Variants in RGS7 observed in about 807,000 individuals in gnomAD.
RGS7 encodes regulator of G protein signaling 7.
A neutral mutation model predicts 81.1 loss-of-function variants in RGS7; 27 were observed. The observed-to-expected ratio is 0.33, with a 90% CI of 0.25 to 0.46. The LOEUF is 0.46. Among genes scored for constraint, RGS7 ranks in the 20% least tolerant of loss-of-function variants. RGS7 has a pLI of 1.00. For missense variants in RGS7, 396 were observed against 607.4 expected, an observed-to-expected ratio of 0.65 and a Z score of 3.66; for synonymous variants, 208 against 207.7, an observed-to-expected ratio of 1.00 and a Z score of -0.01.
chr1:240,814,473 T>A (rs538713203), intron 12 of RGS7, among the ~76,000 whole-genome samples: 35 of 152,344 alleles, frequency 2.3e-4, no homozygotes, highest in African/African-American at 8.2e-4. Context: ...TATCTGATTC[T>A]TAGTGGAACA....
intron 14 of RGS7, among the ~76,000 whole-genome samples, chr1:240,810,507 T>C (rs562767734): frequency 2.0e-5 from 3 of 147,858 alleles, no homozygotes; most frequent in East Asian, 2.0e-4. Flanking sequence ...AGTGCAGTGG[T>C]GCAATCTCAG....
chr1:240,860,145 A>G (rs1466378760), intron 9 of RGS7, among the ~76,000 whole-genome samples: 4 of 152,140 alleles, frequency 2.6e-5, no homozygotes, highest in Non-Finnish European at 4.4e-5. Context: ...TGCTCCATGG[A>G]AGCTTGAGAA....
Position 241,166,075 on chromosome 1 carries a change from T to C in RGS7, c.79-67313A>G, listed in dbSNP as rs963906590. On this transcript the variant is annotated intron_variant, in intron 2 of 18. Transcript: ENST00000440928. ...AGCTCATGTCTGAGAAGCTCATGTC[T>C]GGAGAACATCTGGGGGTGGGGAACA... is the stretch of plus-strand genomic sequence containing the variant. 1.2e-4 allele frequency among the ~76,000 whole-genome samples: 19 copies of C among 152,166 alleles called. 1 individual carries two copies. The highest frequency in any genetic ancestry group is 1.2e-3 in the Admixed American group (19 of 15,288).
chr1:241,186,525 T>TATATATA lies in RGS7; in HGVS notation c.79-87764_79-87763insTATATAT, dbSNP rs1412951475. 39 of 240,998 alleles carry TATATATA rather than the reference T, an allele frequency of 1.6e-4. No homozygotes were observed. In the East Asian group the frequency reaches 1.7e-3, roughly 11 times the overall value. 14.9% of individuals were successfully genotyped at this position (240,998 alleles called of 1,614,324 possible). A position where few individuals can be genotyped will look rare whatever the true frequency, so the allele number is the denominator to read the frequency against. On this transcript the variant is annotated intron_variant, in intron 2 of 18. Coordinates refer to ENST00000440928, the MANE Select transcript of RGS7 (RefSeq NM_001364886.1). The stretch of plus-strand genomic sequence containing the variant: ...ATTTCCTAACCATATATATATATAT[T>TATATATA]TTTTTTTTTTTTTTTTGAGACGGAG...
intron 3 of RGS7, among the ~76,000 whole-genome samples, chr1:241,078,825 T>C (rs2062973212): frequency 6.6e-6 from 1 of 152,168 alleles, no homozygotes; most frequent in African/African-American, 2.4e-5. Context: ...CACAATCATA[T>C]ATGCATCAGA....
At position 241,295,479 on chromosome 1, in the gene RGS7, G is replaced by A. The variant is rs1253567284; in HGVS notation, c.78+60220C>T. On this transcript the variant is annotated intron_variant, in intron 2 of 18. Coordinates refer to ENST00000440928, the MANE Select transcript of RGS7 (RefSeq NM_001364886.1). The stretch of plus-strand genomic sequence containing the variant: ...AAAAAAGAAGAAAAAAAAAAGATAT[G>A]TTTACAAATATACAGACATTAATAA... Among the ~76,000 whole-genome samples the A allele has an allele frequency of 4.6e-5, 7 of 151,708 alleles. No individual in the cohort carries two copies. The East Asian group carries it at 9.7e-4, about 21-fold the overall frequency.
chr1:241,001,592 A>G (rs1688147084), intron 3 of RGS7, among the ~76,000 whole-genome samples: 1 of 152,210 alleles, frequency 6.6e-6, no homozygotes, highest in Admixed American at 6.5e-5. Flanking sequence ...ACAACAAAAC[A>G]TCATTGAGTT....
At chr1:240,920,926 T>C (rs1191180901) in intron 6 of RGS7, among the ~76,000 whole-genome samples, 1 of 149,730 alleles carries the variant, frequency 6.7e-6, no homozygotes, top group Non-Finnish European at 1.5e-5. Context: ...AATAGTTTGA[T>C]TGTGATGCTG....
chr1:240,941,840 T>G lies in RGS7; in HGVS notation c.227-5134A>C, dbSNP rs114404112. ...CAAAGTGTTGAAAGAGTTTACTGAGTAATCTGTCAAGATCACTCTCCCAAT... is the reference window on the plus strand; with the variant it reads ...CAAAGTGTTGAAAGAGTTTACTGAGGAATCTGTCAAGATCACTCTCCCAAT... On this transcript the variant is annotated intron_variant, in intron 4 of 18. Transcript: ENST00000440928. Among the ~76,000 whole-genome samples the G allele has an allele frequency of 5.6e-3, 846 of 150,850 alleles. 8 individuals are homozygous for G. Among genetic ancestry groups the G allele is most frequent in the African/African-American group, 0.02 (806 of 40,992 alleles).
chr1:241,236,461 A>G (rs2815842), intron 2 of RGS7, among the ~76,000 whole-genome samples: 71,175 of 151,954 alleles, frequency 0.47, 16,837 homozygotes, highest in African/African-American at 0.49. Context: ...GCTTGACCCT[A>G]AGGACTTCCG....
At chr1:241,236,473 G>A (rs112884490) in intron 2 of RGS7, among the ~76,000 whole-genome samples, 2 of 152,006 alleles carry the variant, frequency 1.3e-5, no homozygotes, top group South Asian at 2.1e-4. Context: ...GGACTTCCGC[G>A]CACCCATCAC....
At chr1:241,350,909 A>G (rs1489351466) in intron 2 of RGS7, among the ~76,000 whole-genome samples, 3 of 152,182 alleles carry the variant, frequency 2.0e-5, no homozygotes. Flanking sequence ...GAGACCAGTA[A>G]TATCTGTGGC....
chr1:241,072,498 T>C (rs2062532810), intron 3 of RGS7, among the ~76,000 whole-genome samples: 6 of 152,168 alleles, frequency 3.9e-5, no homozygotes, highest in Admixed American at 3.9e-4. Flanking sequence ...CATGGAATTT[T>C]CCCCCTCGCC....
chr1:241,077,374 T>C (rs1282971774), intron 3 of RGS7, among the ~76,000 whole-genome samples: 1 of 152,146 alleles, frequency 6.6e-6, no homozygotes, highest in Non-Finnish European at 1.5e-5. Flanking sequence ...GATAAAAATA[T>C]GTTCTGTGTG....
At chr1:240,996,774 T>C (rs927766069) in intron 3 of RGS7, among the ~76,000 whole-genome samples, 3 of 152,220 alleles carry the variant, frequency 2.0e-5, no homozygotes, top group Admixed American at 2.0e-4. Context: ...TTTTAAATAG[T>C]ATATTTAAGT....
chr1:240,824,830 T>C lies in RGS7; in HGVS notation c.684+2268A>G, dbSNP rs140459857. On this transcript the variant is annotated intron_variant, in intron 10 of 18. Coordinates refer to ENST00000440928, the MANE Select transcript of RGS7 (RefSeq NM_001364886.1). ...ACTAATACAATAGAACTGGTGTCCT[T>C]TTAAGAAGAGGAAGAGACCCCAGAG... Among the ~76,000 whole-genome samples the C allele has an allele frequency of 8.5e-5, 13 of 152,264 alleles. No individual in the cohort carries two copies. The East Asian group carries it at 2.5e-3, about 29-fold the overall frequency.
intron 2 of RGS7, among the ~76,000 whole-genome samples, chr1:241,157,666 C>G (rs911272681): frequency 1.3e-5 from 2 of 151,988 alleles, no homozygotes; most frequent in African/African-American, 4.8e-5. Context: ...GGCCTGCCAT[C>G]AGATTTTGTT....
At chr1:241,054,536 C>G (rs1048374863) in intron 3 of RGS7, among the ~76,000 whole-genome samples, 2 of 152,138 alleles carry the variant, frequency 1.3e-5, no homozygotes, top group African/African-American at 4.8e-5. Context: ...CATTTGAGCA[C>G]CTGATATAAA....
At chr1:240,936,566 G>A in intron 5 of RGS7, 34 bp downstream of exon 5, 1 of 1,504,140 alleles carries the variant, frequency 6.6e-7, no homozygotes, top group Non-Finnish European at 9.3e-7. Context: ...CGGGCTTCTA[G>A]TTTACTGTTA....
Sources: gnomAD v4.1 joint callset for allele counts (sites outside exome capture counted in the v4.1 genomes callset) on GRCh38, gnomAD v4.1.1 for gene constraint, MANE v1.5 for transcripts, NCBI Gene and HGNC (gene_info 2026-07-23, HGNC 2026-07-21) for gene names.